NUP188: variants seen among roughly 807,000 people sequenced by gnomAD.
NUP188 encodes nucleoporin 188.
NUP188 carries 97 observed loss-of-function variants against 223.0 expected under a neutral mutation model. The observed-to-expected ratio is 0.43, with a 90% confidence interval of 0.37 to 0.51. The LOEUF is 0.51. NUP188 is among the 20% of genes least tolerant of loss of function. NUP188 has a pLI of 0.00. For missense variants in NUP188, 1,947 were observed against 2,175.6 expected (o/e 0.89, Z 2.09); for synonymous variants, 869 against 828.0 (o/e 1.05, Z -0.85).
rs752915998 is a variant in NUP188, at chr9:128,984,902, C to T, written c.1964C>T (p.Ala655Val). Reference protein sequence around the residue: ...PVSSLSQMISAEGMNAGGYGN... With the variant: ...PVSSLSQMISVEGMNAGGYGN... The stretch of plus-strand genomic sequence containing the variant: ...TTTCCCTCTACTTCTTTTTCCAGTG[C>T]GGAAGGGATGAATGCTGGAGGGTAC... The change falls in exon 20 of 44, where the codon GCG (alanine) becomes GTG (valine). Residue 655 changes from alanine (A) to valine (V), a missense_variant and splice_region_variant. By Grantham distance (64) the Ala-to-Val change is moderately conservative. This residue lies in a region of NUP188 where 817 missense variants were observed against 865.8 expected (regional missense o/e 0.94). Coordinates refer to ENST00000372577, the MANE Select transcript of NUP188 (RefSeq NM_015354.3). 2.6e-5 allele frequency: 41 copies of T among 1,602,774 alleles called. No individual in the cohort carries two copies. Among genetic ancestry groups the T allele is most frequent in the Non-Finnish European group, 3.2e-5 (38 of 1,173,802 alleles).
At chr9:128,987,088 A>AGAGAGAGAGT (rs1450678206) in intron 22 of NUP188, among the ~76,000 whole-genome samples, 1 of 113,260 alleles carries the variant, frequency 8.8e-6, no homozygotes, top group African/African-American at 3.5e-5. Flanking sequence ...AGAGAGAGAG[A>AGAGAGAGAGT]GTGTGTGTGT....
Position 128,980,638 on chromosome 9 carries a change from C to T in NUP188, c.1302C>T (p.Asp434=), listed in dbSNP as rs777000095. ...EPTSGLGIIL[D]SVCGMFPHLL... is the part of the protein sequence containing the mutation. ...CTTCTGGCCTTGGGATCATTCTGGACAGTGTGTGTGGAATGTTTCCCCACC... is the reference window on the plus strand; with the variant it reads ...CTTCTGGCCTTGGGATCATTCTGGATAGTGTGTGTGGAATGTTTCCCCACC... Residue 434 remains aspartate (D), a synonymous_variant, in exon 14 of 44, where the codon GAC becomes GAT. Transcript: ENST00000372577. 7 of 1,614,002 alleles carry T rather than the reference C, an allele frequency of 4.3e-6. No homozygotes were observed. Among genetic ancestry groups the T allele is most frequent in the Non-Finnish European group, 1.7e-6 (2 of 1,180,016 alleles).
rs1002172051 is a variant in NUP188 at position 128,987,445 on chromosome 9, G to A, written c.2265-144G>A. On this transcript the variant is annotated intron_variant, in intron 22 of 43. Transcript: ENST00000372577. Reference sequence around the variant, plus strand: ...GTGATCAAGTCTGTTTCAGGAAAGTGATCAGAGTGCCTTCAGCTTGCAGAG... The same window carrying A: ...GTGATCAAGTCTGTTTCAGGAAAGTAATCAGAGTGCCTTCAGCTTGCAGAG... 19 of 649,260 alleles carry A rather than the reference G, an allele frequency of 2.9e-5. 1 individual carries two copies. Among genetic ancestry groups the A allele is most frequent in the Non-Finnish European group, 4.3e-5 (17 of 395,082 alleles). 40.2% of individuals were successfully genotyped at this position (649,260 alleles called of 1,614,324 possible).
At position 129,006,131 on chromosome 9, in the gene NUP188, C is replaced by G; in HGVS notation, c.4943+8C>G. On this transcript the variant is annotated splice_region_variant and intron_variant, in intron 42 of 43. Transcript: ENST00000372577. ...AGGGACCAGGACGTTAAAGTAAGTG[C>G]TCTTTCTGGGATTTGATAAGGGGCT... 1 of 1,614,146 alleles carries G rather than the reference C, an allele frequency of 6.2e-7. No individual in the cohort carries two copies. The highest frequency in any genetic ancestry group is 8.5e-7 in the Non-Finnish European group (1 of 1,180,010).
At chr9:129,001,478 TTCCTCC>T in intron 34 of NUP188, 45 bp from the exon 35 acceptor site, 1 of 1,577,996 alleles carries the variant, frequency 6.3e-7, no homozygotes, top group Non-Finnish European at 8.7e-7. Flanking sequence ...TGTCGTCCTC[TTCCTCC>T]TCCTCTTCTT....
intron 19 of NUP188, among the ~76,000 whole-genome samples, chr9:128,983,947 G>A (rs113723726): frequency 3.3e-4 from 50 of 150,414 alleles, no homozygotes; most frequent in African/African-American, 1.1e-3. Context: ...CAGCCTCCCC[G>A]GTAGCCAGGA....
chr9:128,968,783 T>G, intron 9 of NUP188, 66 bp downstream of exon 9: 2 of 1,253,936 alleles, frequency 1.6e-6, no homozygotes, highest in East Asian at 4.6e-5. Flanking sequence ...TAGTGGTATG[T>G]AAGCAGGTAG....
chr9:128,998,592 C>T lies in NUP188; in HGVS notation c.3484C>T (p.Leu1162=), dbSNP rs749150761. 16 of 1,614,198 alleles carry T rather than the reference C, an allele frequency of 9.9e-6. No individual in the cohort carries two copies. The Admixed American group carries it at 2.7e-4, about 27-fold the overall frequency. ...TCGCCTTGGCTCCATGAAGTGCACT[C>T]TGCTGCTTATCCTCCTCCGGCAGTG... ...CLRLGSMKCT[L]LLILLRQWKR... is the part of the protein sequence containing the mutation. The change falls in exon 32 of 44, where the codon CTG becomes TTG. Residue 1162 remains leucine (L), a synonymous_variant. Coordinates refer to ENST00000372577, the MANE Select transcript of NUP188 (RefSeq NM_015354.3).
In NUP188 at chr9:128,985,000, A is replaced by G. The variant is rs1263706018; in HGVS notation, c.2062A>G (p.Thr688Ala). 2 of 1,611,964 alleles carry G rather than the reference A, an allele frequency of 1.2e-6. No homozygotes were observed. The highest frequency in any genetic ancestry group is 2.2e-5 in the East Asian group (1 of 44,832). ...TACTATTGCCTTTCTGCGCTTGATC[A>G]CCACCCTTGTCAAGGTACAGTCTGA... ...GVTIAFLRLI[T>A]TLVKGQLGST... The change falls in exon 20 of 44, where the codon ACC becomes GCC. Residue 688 changes from threonine to alanine, a missense_variant. Around this residue, in one of 3 missense-constraint regions of NUP188, gnomAD observed 817 missense variants for 865.8 expected, o/e 0.94. Transcript: ENST00000372577.
At position 128,956,580 on chromosome 9, in the gene NUP188, A is replaced by G. The variant is rs1348236603; in HGVS notation, c.246+146A>G. The G allele has an allele frequency of 1.1e-5, 6 of 557,220 alleles. No individual in the cohort carries two copies. The East Asian group carries it at 1.9e-4, about 17-fold the overall frequency. The allele number at this position is 557,220 out of a possible 1,614,324, so 34.5% of individuals were successfully genotyped here. On this transcript the variant is annotated intron_variant, in intron 4 of 43. Coordinates refer to ENST00000372577, the MANE Select transcript of NUP188 (RefSeq NM_015354.3). ...TACCCAGGTTGCAACTCTTCTCCCT[A>G]AAAGTTACAAGTCAAAGTTGCCTGA...
At chr9:128,987,021 T>C (rs977551558) in intron 22 of NUP188, 146 bp downstream of exon 22, 3 of 629,214 alleles carry the variant, frequency 4.8e-6, no homozygotes, top group South Asian at 1.9e-5. Flanking sequence ...TTGCTTTCCA[T>C]TGGCCTGTTT....
At chr9:128,979,728 G>A (rs1045278754) in intron 13 of NUP188, among the ~76,000 whole-genome samples, 2 of 152,154 alleles carry the variant, frequency 1.3e-5, no homozygotes, top group African/African-American at 4.8e-5. Context: ...TGCCTCCCGG[G>A]TTCAAGCAGT....
chr9:128,967,963 G>T (rs1264505641), intron 8 of NUP188, among the ~76,000 whole-genome samples: 1 of 151,812 alleles, frequency 6.6e-6, no homozygotes, highest in East Asian at 1.9e-4. Context: ...TCTCTCAAAA[G>T]AAAAGATACA....
chr9:129,006,785 G>T lies in NUP188; in HGVS notation c.*107G>T. 8.5e-7 allele frequency: 1 copy of T among 1,178,282 alleles called. No individual in the cohort carries two copies. The highest frequency in any genetic ancestry group is 1.2e-6 in the Non-Finnish European group (1 of 856,102). 73.0% of individuals were successfully genotyped at this position (1,178,282 alleles called of 1,614,324 possible). A position where few individuals can be genotyped will look rare whatever the true frequency, so the allele number is the denominator to read the frequency against. On this transcript the variant is annotated 3_prime_UTR_variant, in exon 44 of 44. Transcript: ENST00000372577. ...GCCTATACAATGGAGGGCACCTCCTGTCACCCCCCTCCCGGAGTAGCCACG... is the reference window on the plus strand; with the variant it reads ...GCCTATACAATGGAGGGCACCTCCTTTCACCCCCCTCCCGGAGTAGCCACG...
intron 23 of NUP188, 102 bp downstream of exon 23, chr9:128,987,819 C>A: frequency 6.9e-7 from 1 of 1,455,288 alleles, no homozygotes; most frequent in Non-Finnish European, 9.4e-7. Context: ...TAGAAGACGA[C>A]ATTGTTCTTC....
chr9:128,949,919 CTTTT>C (rs35705253), intron 2 of NUP188, among the ~76,000 whole-genome samples: 1 of 81,230 alleles, frequency 1.2e-5, no homozygotes, highest in African/African-American at 5.6e-5. Context: ...GTGACGGCCA[CTTTT>C]TTTTTTTTTT....
chr9:128,990,541 G>A lies in NUP188; in HGVS notation c.2640+315G>A, dbSNP rs141083623. Among the ~76,000 whole-genome samples the A allele has an allele frequency of 8.7e-3, 1,316 of 152,078 alleles. 18 individuals carry two copies. The highest frequency in any genetic ancestry group is 0.043 in the East Asian group (221 of 5,176). On this transcript the variant is annotated intron_variant, in intron 25 of 43. Transcript: ENST00000372577. ...AGGAGTTCAAGACCAACCTGGCCAAGATGGTGAAACCCTATCTCTCCTAAA... is the reference window on the plus strand; with the variant it reads ...AGGAGTTCAAGACCAACCTGGCCAAAATGGTGAAACCCTATCTCTCCTAAA...
At chr9:128,985,072 T>C in intron 20 of NUP188, 58 bp downstream of exon 20, 4 of 1,248,518 alleles carry the variant, frequency 3.2e-6, no homozygotes, top group Non-Finnish European at 4.7e-6. Context: ...TCTTGTCAGA[T>C]GACTCTGAAA....
At chr9:128,966,728 A>G (rs1842036035) in intron 8 of NUP188, among the ~76,000 whole-genome samples, 1 of 152,116 alleles carries the variant, frequency 6.6e-6, no homozygotes, top group Non-Finnish European at 1.5e-5. Context: ...TTACTGTCTC[A>G]TGTTTTATGG....
Sources: gnomAD v4.1 joint callset for allele counts (sites outside exome capture counted in the v4.1 genomes callset) on GRCh38, gnomAD v4.1.1 for gene constraint, gnomAD v4.1.1 regional missense constraint, MANE v1.5 for transcripts, NCBI Gene and HGNC (gene_info 2026-07-23, HGNC 2026-07-21) for gene names.